The following AHRR variants were observed in gnomAD, a reference collection of about 807,000 sequenced individuals.
AHRR encodes the protein ahR repressor.
AHRR carries 28 observed loss-of-function variants against 44.0 expected under a neutral mutation model. That is an observed-to-expected ratio of 0.64 (90% CI 0.47 to 0.87). AHRR has a LOEUF of 0.87. Ranked by LOEUF, AHRR falls within the 40% of genes least tolerant of loss-of-function variation. The pLI is 0.00. For missense variants in AHRR, 990 were observed against 953.9 expected, an observed-to-expected ratio of 1.04 and a Z score of -0.50; for synonymous variants, 434 against 407.0, an observed-to-expected ratio of 1.07 and a Z score of -0.80.
chr5:330,193 A>G lies in AHRR; in HGVS notation c.-11+8374A>G, dbSNP rs140649756. ...ATCATTAAGGGATCTGAAATTTATT[A>G]AAGGCATTTTCTGCATCTATTGAGT... On this transcript the variant is annotated intron_variant, in intron 1 of 10. Coordinates refer to ENST00000684583, the MANE Select transcript of AHRR (RefSeq NM_001377236.1). 2.8e-3 allele frequency among the ~76,000 whole-genome samples: 428 copies of G among 152,310 alleles called. 1 individual carries two copies. Among genetic ancestry groups the G allele is most frequent in the Non-Finnish European group, 4.6e-3 (312 of 68,020 alleles).
Position 326,976 on chromosome 5 carries a change from T to C in AHRR, c.-11+5157T>C, listed in dbSNP as rs534963157. 6.6e-6 allele frequency among the ~76,000 whole-genome samples: 1 copy of C among 152,268 alleles called. No homozygotes were observed. The highest frequency in any genetic ancestry group is 2.4e-5 in the African/African-American group (1 of 41,564). Reference sequence around the variant, plus strand: ...CAGGAGGCTGAGGCAGGAGAATCTCTTGAACCCAGGAGGTGGAGGTTGCAG... The same window carrying C: ...CAGGAGGCTGAGGCAGGAGAATCTCCTGAACCCAGGAGGTGGAGGTTGCAG... On this transcript the variant is annotated intron_variant, in intron 1 of 10. Coordinates refer to ENST00000684583, the MANE Select transcript of AHRR (RefSeq NM_001377236.1). This position sits in a 1 kb window ranked among gnomAD's most constrained non-coding sequence, Gnocchi z 4.1.
chr5:400,380 G>A (rs1354719768), intron 4 of AHRR, among the ~76,000 whole-genome samples: 3 of 151,950 alleles, frequency 2.0e-5, no homozygotes, highest in Admixed American at 6.6e-5. Context: ...CACCTGCCTC[G>A]GCCCTCACCT....
intron 5 of AHRR, chr5:421,407 C>A: frequency 1.8e-6 from 1 of 568,850 alleles, no homozygotes. Flanking sequence ...GCGGCCCGGA[C>A]TCAGAGGCAC....
At chr5:361,227 A>G (rs4957027) in intron 3 of AHRR, among the ~76,000 whole-genome samples, 107,438 of 152,138 alleles carry the variant, frequency 0.71, 38,547 homozygotes, top group African/African-American at 0.77. Context: ...GCGACAGAGC[A>G]AGACTCCATC....
chr5:395,977 G>A lies in AHRR; in HGVS notation c.352-17367G>A, dbSNP rs534190007. On this transcript the variant is annotated intron_variant, in intron 4 of 10. Transcript: ENST00000684583. This position sits in a 1 kb window ranked among gnomAD's most constrained non-coding sequence, Gnocchi z 5.3. ...ATGGGTCGTCCAGAAACTCAGGCCA[G>A]AAGCGAAGGTATAAAACACCAGATG... Among the ~76,000 whole-genome samples the A allele has an allele frequency of 5.9e-5, 9 of 152,356 alleles. No homozygotes were observed. The highest frequency in any genetic ancestry group is 3.4e-3 in the Middle Eastern group (1 of 294).
chr5:344,860 GACTGTGCA>G (rs148857947), intron 2 of AHRR, among the ~76,000 whole-genome samples: 2,291 of 139,214 alleles, frequency 0.016, 45 homozygotes, highest in Non-Finnish European at 0.028. Flanking sequence ...GGGTGTGTGA[GACTGTGCA>G]GGTGTGCAGG....
intron 3 of AHRR, among the ~76,000 whole-genome samples, chr5:362,835 G>C (rs991000314): frequency 5.3e-5 from 8 of 152,236 alleles, no homozygotes; most frequent in Non-Finnish European, 8.8e-5. Context: ...CCTGGTGCTT[G>C]AGTTTATTCC....
chr5:400,092 C>T (rs1045712513), intron 4 of AHRR, among the ~76,000 whole-genome samples: 7 of 152,146 alleles, frequency 4.6e-5, no homozygotes, highest in Admixed American at 1.3e-4. Context: ...GCTCCGTAAC[C>T]GTGGCAACGG....
At chr5:413,128 A>G (rs1735538283) in intron 4 of AHRR, among the ~76,000 whole-genome samples, 1 of 152,174 alleles carries the variant, frequency 6.6e-6, no homozygotes, top group African/African-American at 2.4e-5. Context: ...TTATTAGAAA[A>G]GGGGCCTTGT....
chr5:384,808 G>A (rs1734106846), intron 4 of AHRR, among the ~76,000 whole-genome samples: 1 of 152,122 alleles, frequency 6.6e-6, no homozygotes, highest in African/African-American at 2.4e-5. Flanking sequence ...TTCTCCTTTG[G>A]TTCCTGAGGT....
intron 5 of AHRR, among the ~76,000 whole-genome samples, chr5:422,186 A>G (rs1468385584): frequency 6.6e-6 from 1 of 152,132 alleles, no homozygotes; most frequent in African/African-American, 2.4e-5. Context: ...GTCGCCAGAC[A>G]TGGACCCTGG....
At chr5:372,148 A>G (rs1743599966) in intron 3 of AHRR, among the ~76,000 whole-genome samples, 1 of 152,222 alleles carries the variant, frequency 6.6e-6, no homozygotes, top group Non-Finnish European at 1.5e-5. Flanking sequence ...GCTGCTCAGC[A>G]CACAGCCCCT....
At chr5:381,954 G>A (rs1734003653) in intron 4 of AHRR, among the ~76,000 whole-genome samples, 1 of 152,016 alleles carries the variant, frequency 6.6e-6, no homozygotes, top group Admixed American at 6.6e-5. Context: ...AGATGATTAT[G>A]GTTTTTCTTC....
intron 3 of AHRR, among the ~76,000 whole-genome samples, chr5:362,107 A>G (rs921630065): frequency 6.6e-6 from 1 of 152,184 alleles, no homozygotes; most frequent in African/African-American, 2.4e-5. Flanking sequence ...TGCGGTCATA[A>G]GGGCAGAGCT....
intron 4 of AHRR, among the ~76,000 whole-genome samples, chr5:407,136 T>G (rs1735294228): frequency 6.6e-6 from 1 of 152,234 alleles, no homozygotes; most frequent in Non-Finnish European, 1.5e-5. Context: ...ACTTTTTTCT[T>G]TCCTGTGCTT....
At chr5:392,702 G>A (rs1579658938) in intron 4 of AHRR, among the ~76,000 whole-genome samples, 4 of 152,174 alleles carry the variant, frequency 2.6e-5, no homozygotes, top group Admixed American at 6.5e-5. Context: ...TAGGGACAAC[G>A]GCTGAGTTTC....
At chr5:377,923 C>G (rs748951833) in intron 4 of AHRR, among the ~76,000 whole-genome samples, 10 of 152,198 alleles carry the variant, frequency 6.6e-5, no homozygotes, top group African/African-American at 2.4e-4. Flanking sequence ...GACACTGTGG[C>G]CCTCCTGCTG....
At chr5:368,185 G>T (rs1743435779) in intron 3 of AHRR, among the ~76,000 whole-genome samples, 1 of 152,222 alleles carries the variant, frequency 6.6e-6, no homozygotes, top group Non-Finnish European at 1.5e-5. Flanking sequence ...CATACCTGTG[G>T]GTAGAGGGCA....
At chr5:323,918 C>A (rs562806380) in intron 1 of AHRR, among the ~76,000 whole-genome samples, 1 of 152,018 alleles carries the variant, frequency 6.6e-6, no homozygotes, top group African/African-American at 2.4e-5. Flanking sequence ...GCTGATGACT[C>A]GGGTAGGAAA....
Sources: gnomAD v4.1 joint callset for allele counts (sites outside exome capture counted in the v4.1 genomes callset) on GRCh38, gnomAD v4.1.1 for gene constraint, Gnocchi (gnomAD v3.1) non-coding constraint, MANE v1.5 for transcripts, NCBI Gene and HGNC (gene_info 2026-07-23, HGNC 2026-07-21) for gene names.